ZNF385D: variants seen among roughly 807,000 people sequenced by gnomAD.
The protein encoded by ZNF385D is zinc finger protein 385D.
Under a neutral mutation model 35.8 loss-of-function variants are expected in ZNF385D, and 15 were observed. That is an observed-to-expected ratio of 0.42 (90% CI 0.28 to 0.64). The LOEUF is 0.64. Ranked by LOEUF, ZNF385D falls within the 30% of genes least tolerant of loss-of-function variation. The pLI, the probability that ZNF385D is intolerant of heterozygous loss-of-function variation, is 0.23. For synonymous variants in ZNF385D, 212 were observed against 186.8 expected (o/e 1.13, Z -1.10); for missense variants, 474 against 494.6 (o/e 0.96, Z 0.39).
At chr3:21,956,211 TGAAA>T (rs904964783) in intron 3 of ZNF385D, among the ~76,000 whole-genome samples, 5 of 147,478 alleles carry the variant, frequency 3.4e-5, no homozygotes, top group Admixed American at 1.4e-4. Context: ...CAAAAAAAAG[TGAAA>T]GAAAGAAAGA....
At chr3:21,837,251 A>G (rs1575749019) in intron 3 of ZNF385D, among the ~76,000 whole-genome samples, 2 of 152,238 alleles carry the variant, frequency 1.3e-5, no homozygotes, top group East Asian at 3.9e-4. Flanking sequence ...TCATCAGTCC[A>G]TGTATAAAAA....
chr3:21,481,679 C>T (rs1200403197), intron 4 of ZNF385D, among the ~76,000 whole-genome samples: 1 of 152,134 alleles, frequency 6.6e-6, no homozygotes. Flanking sequence ...CAGGTGACAG[C>T]CACCACTCCT....
chr3:22,151,670 G>A (rs1451522785), intron 3 of ZNF385D, among the ~76,000 whole-genome samples: 3 of 152,050 alleles, frequency 2.0e-5, no homozygotes, highest in African/African-American at 7.2e-5. Flanking sequence ...CCCGAATTAT[G>A]AGTAAAACGT....
chr3:21,723,682 C>G (rs2068635560), intron 1 of ZNF385D, among the ~76,000 whole-genome samples: 1 of 152,132 alleles, frequency 6.6e-6, no homozygotes, highest in African/African-American at 2.4e-5. Context: ...GATTGATGTG[C>G]TTGAAAGTGA....
chr3:21,850,248 G>C (rs1353501612), intron 3 of ZNF385D, among the ~76,000 whole-genome samples: 3 of 152,032 alleles, frequency 2.0e-5, no homozygotes, highest in Non-Finnish European at 2.9e-5. Flanking sequence ...CAAAGAACTA[G>C]GAAAGTGGAT....
At chr3:21,901,959 A>T (rs910716587) in intron 3 of ZNF385D, among the ~76,000 whole-genome samples, 6 of 151,732 alleles carry the variant, frequency 4.0e-5, no homozygotes, top group Non-Finnish European at 7.4e-5. Context: ...AGCTTTCAAG[A>T]ATGGCAGGAT....
intron 3 of ZNF385D, among the ~76,000 whole-genome samples, chr3:21,523,535 G>T (rs940863129): frequency 6.6e-6 from 1 of 152,006 alleles, no homozygotes; most frequent in Non-Finnish European, 1.5e-5. Flanking sequence ...CTCTTCTGAG[G>T]GTCTTCTTCA....
At chr3:21,619,740 C>T (rs779037692) in intron 2 of ZNF385D, among the ~76,000 whole-genome samples, 30 of 152,070 alleles carry the variant, frequency 2.0e-4, no homozygotes, top group Non-Finnish European at 3.5e-4. Context: ...GTGGGGAAGA[C>T]CCCACTATAT....
chr3:22,169,922 G>C (rs1484829028), intron 2 of ZNF385D, among the ~76,000 whole-genome samples: 2 of 152,192 alleles, frequency 1.3e-5, no homozygotes, highest in African/African-American at 4.8e-5. Context: ...AGCCTACTAA[G>C]TAGCTGGAAC....
At chr3:21,827,672 T>G (rs1178065027) in intron 3 of ZNF385D, among the ~76,000 whole-genome samples, 1 of 152,188 alleles carries the variant, frequency 6.6e-6, no homozygotes, top group Non-Finnish European at 1.5e-5. Flanking sequence ...TGCCTCTATT[T>G]TGAAGCATTA....
chr3:22,136,121 T>C (rs1576380394), intron 3 of ZNF385D, among the ~76,000 whole-genome samples: 1 of 152,164 alleles, frequency 6.6e-6, no homozygotes, highest in Non-Finnish European at 1.5e-5. Flanking sequence ...TGGTGGCTCA[T>C]GCCTATAATC....
At chr3:21,917,678 T>A (rs902940589) in intron 3 of ZNF385D, among the ~76,000 whole-genome samples, 1 of 152,166 alleles carries the variant, frequency 6.6e-6, no homozygotes, top group African/African-American at 2.4e-5. Context: ...AGAAAAAAAT[T>A]TGTCATGGAT....
intron 2 of ZNF385D, among the ~76,000 whole-genome samples, chr3:22,215,329 C>T (rs1029650222): frequency 1.3e-5 from 2 of 152,160 alleles, no homozygotes; most frequent in South Asian, 4.1e-4. Context: ...CAGAACAGAG[C>T]CATATTTCTC....
chr3:22,333,979 T>C (rs188268079), intron 2 of ZNF385D, among the ~76,000 whole-genome samples: 50 of 152,340 alleles, frequency 3.3e-4, no homozygotes, highest in Admixed American at 1.8e-3. Context: ...GTTTTATGTA[T>C]TTTATAGTTA....
intron 2 of ZNF385D, among the ~76,000 whole-genome samples, chr3:22,288,608 T>C (rs766677321): frequency 1.4e-4 from 22 of 152,132 alleles, no homozygotes; most frequent in Non-Finnish European, 3.1e-4. Flanking sequence ...TTTGTCTCTT[T>C]GTTGAAATTC....
intron 2 of ZNF385D, among the ~76,000 whole-genome samples, chr3:22,304,912 T>C (rs966796704): frequency 2.6e-5 from 4 of 152,154 alleles, no homozygotes; most frequent in African/African-American, 4.8e-5. Context: ...ATTCATTTAT[T>C]TTCCTTATTT....
intron 1 of ZNF385D, among the ~76,000 whole-genome samples, chr3:21,724,496 A>ACC (rs1559554500): frequency 6.7e-5 from 6 of 89,874 alleles, no homozygotes; most frequent in Admixed American, 1.8e-4. Context: ...AAAAAAAAAA[A>ACC]AAAAAAAAAA....
chr3:21,627,941 A>T (rs2065179688), intron 2 of ZNF385D, among the ~76,000 whole-genome samples: 1 of 152,164 alleles, frequency 6.6e-6, no homozygotes, highest in African/African-American at 2.4e-5. Context: ...TTGTGCTGAC[A>T]AAAGCAGAGC....
intron 2 of ZNF385D, among the ~76,000 whole-genome samples, chr3:21,599,050 A>C (rs2064205480): frequency 6.6e-6 from 1 of 152,206 alleles, no homozygotes; most frequent in South Asian, 2.1e-4. Flanking sequence ...ATAAACTTCA[A>C]ATCACCTATT....
Sources: allele counts gnomAD v4.1 joint callset (sites outside exome capture counted in the v4.1 genomes callset), GRCh38; gene constraint gnomAD v4.1.1; transcripts MANE v1.5; gene names NCBI Gene and HGNC (gene_info 2026-07-23, HGNC 2026-07-21).